CACNA1A: variants seen among roughly 807,000 people sequenced by gnomAD.
CACNA1A encodes the protein voltage-dependent P/Q-type calcium channel subunit alpha-1A.
CACNA1A carries 57 observed loss-of-function variants against 262.4 expected under a neutral mutation model. The ratio of observed to expected loss-of-function variants is 0.22; its 90% CI spans 0.18 to 0.27. CACNA1A has a LOEUF of 0.27. Among genes scored for constraint, CACNA1A ranks in the 10% least tolerant of loss-of-function variants. The probability of loss-of-function intolerance (pLI) is 1.00; values close to 1 mark genes in which losing one functional copy is unlikely to be tolerated. For synonymous variants in CACNA1A, 1,431 were observed against 1,419.3 expected, an observed-to-expected ratio of 1.01 and a Z score of -0.18; for missense variants, 2,526 against 3,562.8, an observed-to-expected ratio of 0.71 and a Z score of 7.41.
intron 19 of CACNA1A, among the ~76,000 whole-genome samples, chr19:13,297,154 C>T (rs1441187272): frequency 1.3e-5 from 2 of 152,204 alleles, no homozygotes; most frequent in African/African-American, 4.8e-5. Flanking sequence ...CATACATTAC[C>T]TCATTCAATC....
intron 30 of CACNA1A, among the ~76,000 whole-genome samples, chr19:13,246,001 A>C (rs1189312069): frequency 6.6e-6 from 1 of 152,092 alleles, no homozygotes; most frequent in Non-Finnish European, 1.5e-5. Context: ...TAACCAAGCC[A>C]CTCATCTGCC....
intron 3 of CACNA1A, among the ~76,000 whole-genome samples, chr19:13,430,142 G>A (rs890937342): frequency 9.2e-5 from 14 of 151,868 alleles, no homozygotes; most frequent in Non-Finnish European, 4.4e-5. Flanking sequence ...TGTACTTAAC[G>A]CCGCTCAACT....
chr19:13,414,654 C>T (rs895309585), intron 3 of CACNA1A, among the ~76,000 whole-genome samples: 6 of 152,154 alleles, frequency 3.9e-5, no homozygotes, highest in African/African-American at 1.4e-4. Flanking sequence ...TGGCTGAGAA[C>T]ACACTCAAGA....
At chr19:13,354,206 G>A (rs911617184) in intron 6 of CACNA1A, among the ~76,000 whole-genome samples, 4 of 152,172 alleles carry the variant, frequency 2.6e-5, no homozygotes, top group African/African-American at 4.8e-5. Context: ...CGGTACACCT[G>A]TGTCCATGGA....
intron 6 of CACNA1A, among the ~76,000 whole-genome samples, chr19:13,352,103 C>T (rs2058922032): frequency 6.6e-6 from 1 of 152,150 alleles, no homozygotes; most frequent in East Asian, 1.9e-4. Context: ...TGACCCGAGA[C>T]CTTCTTCTTT....
chr19:13,298,903 C>T lies in CACNA1A; in HGVS notation c.2730G>A (p.Leu910=), dbSNP rs987547951. The change falls in exon 19 of 47, where the codon CTG becomes CTA. Residue 910 remains leucine (L), a synonymous_variant. Coordinates refer to ENST00000360228, the MANE Select transcript of CACNA1A (RefSeq NM_001127222.2). ...CGCCCTCCCAGAACCCGGGTTGCTC[C>T]AGGCTGCCCTCCCGGGCGTGGTGGT... ...ESDHHAREGS[L]EQPGFWEGEA... 1.3e-6 allele frequency: 2 copies of T among 1,594,832 alleles called. No individual in the cohort carries two copies. The highest frequency in any genetic ancestry group is 1.7e-6 in the Non-Finnish European group (2 of 1,178,010).
chr19:13,436,586 T>G (rs116502870), intron 3 of CACNA1A, among the ~76,000 whole-genome samples: 2,956 of 152,324 alleles, frequency 0.019, 93 homozygotes, highest in African/African-American at 0.066. Context: ...CACTCATTCA[T>G]TCATTCACTC....
chr19:13,331,484 G>A (rs545709588), intron 9 of CACNA1A, among the ~76,000 whole-genome samples: 10 of 152,090 alleles, frequency 6.6e-5, no homozygotes, highest in African/African-American at 1.7e-4. Context: ...TGATCCACCC[G>A]CCTTGGCCTC....
rs150840427 is a variant in CACNA1A, at chr19:13,243,347, T to C, written c.4950+1835A>G. Among the ~76,000 whole-genome samples the C allele has an allele frequency of 1.6e-3, 240 of 152,230 alleles. 2 individuals carry two copies. The highest frequency in any genetic ancestry group is 5.7e-3 in the African/African-American group (235 of 41,544). On this transcript the variant is annotated intron_variant, in intron 31 of 46. Transcript: ENST00000360228. ...ACTTGGGTGCGGGTGCCGTAGGACA[T>C]ATCAAAGAATGGCCCCCTCTTTTGT... is the stretch of plus-strand genomic sequence containing the variant.
chr19:13,360,803 A>G lies in CACNA1A; in HGVS notation c.785-1004T>C, dbSNP rs183946556. On this transcript the variant is annotated intron_variant, in intron 5 of 46. Coordinates refer to ENST00000360228, the MANE Select transcript of CACNA1A (RefSeq NM_001127222.2). ...AGAATATTTTTAAAGCAAAGCTCAG[A>G]CATCATATCATTTCATCCATAAATG... 5.3e-3 allele frequency among the ~76,000 whole-genome samples: 805 copies of G among 152,336 alleles called. 6 individuals carry two copies. The highest frequency in any genetic ancestry group is 0.018 in the African/African-American group (738 of 41,572).
chr19:13,434,005 C>A (rs1204501433), intron 3 of CACNA1A, among the ~76,000 whole-genome samples: 1 of 152,354 alleles, frequency 6.6e-6, no homozygotes, highest in Non-Finnish European at 1.5e-5. Context: ...CACTTCCTAG[C>A]CGTGTGGCTT....
chr19:13,255,559 C>A (rs1037282419), intron 28 of CACNA1A, among the ~76,000 whole-genome samples: 2 of 152,096 alleles, frequency 1.3e-5, no homozygotes, highest in Non-Finnish European at 2.9e-5. Flanking sequence ...CTTTGCAGAT[C>A]ACCAAAATAG....
intron 18 of CACNA1A, 136 bp from the exon 19 acceptor site, chr19:13,299,489 C>T (rs1053870584): frequency 9.2e-6 from 7 of 761,328 alleles, no homozygotes; most frequent in Non-Finnish European, 1.6e-5. Flanking sequence ...TGCTAGGAGT[C>T]TGTGAGCATC....
chr19:13,467,453 C>G (rs910932082), intron 1 of CACNA1A, among the ~76,000 whole-genome samples: 20 of 151,994 alleles, frequency 1.3e-4, no homozygotes, highest in Admixed American at 3.9e-4. Flanking sequence ...TGCACTCCAG[C>G]CTGGGTGACA....
At chr19:13,404,904 T>C (rs1028782995) in intron 3 of CACNA1A, among the ~76,000 whole-genome samples, 1 of 152,264 alleles carries the variant, frequency 6.6e-6, no homozygotes, top group East Asian at 1.9e-4. Flanking sequence ...TTATTACTCA[T>C]ATTATTATTT....
At chr19:13,227,903 CTTTTTTTTTTTTT>C (rs34218031) in intron 36 of CACNA1A, among the ~76,000 whole-genome samples, 1 of 74,260 alleles carries the variant, frequency 1.3e-5, no homozygotes, top group African/African-American at 5.8e-5. Context: ...TGTTCATTGC[CTTTTTTTTTTTTT>C]TTTTTTTTTT....
At chr19:13,408,338 C>G (rs1388879119) in intron 3 of CACNA1A, among the ~76,000 whole-genome samples, 4 of 152,106 alleles carry the variant, frequency 2.6e-5, no homozygotes, top group African/African-American at 9.7e-5. Flanking sequence ...CCACTGCACT[C>G]TAGCCTGGGC....
intron 6 of CACNA1A, among the ~76,000 whole-genome samples, chr19:13,343,429 C>G (rs1157583018): frequency 6.6e-6 from 1 of 152,034 alleles, no homozygotes; most frequent in Non-Finnish European, 1.5e-5. Flanking sequence ...CAGCCTCCTT[C>G]TGGTCTTTCT....
intron 3 of CACNA1A, among the ~76,000 whole-genome samples, chr19:13,434,411 A>C (rs1036848834): frequency 3.3e-5 from 5 of 152,162 alleles, no homozygotes; most frequent in African/African-American, 1.2e-4. Flanking sequence ...CTTTTAATGT[A>C]CTTTGGATCT....
Sources: allele counts gnomAD v4.1 joint callset (sites outside exome capture counted in the v4.1 genomes callset), GRCh38; gene constraint gnomAD v4.1.1; transcripts MANE v1.5; gene names NCBI Gene and HGNC (gene_info 2026-07-23, HGNC 2026-07-21).